TBC1D1: variants seen among roughly 807,000 people sequenced by gnomAD.
TBC1D1 encodes TBC1 domain family member 1.
In TBC1D1, 89 loss-of-function variants were observed where a neutral mutation model predicts 125.6. The observed-to-expected ratio is 0.71, with a 90% CI of 0.60 to 0.85. The LOEUF (loss-of-function observed/expected upper bound fraction) is 0.85. Among genes scored for constraint, TBC1D1 ranks in the 40% least tolerant of loss-of-function variants. The pLI, the probability that TBC1D1 is intolerant of heterozygous loss-of-function variation, is 0.00. For missense variants in TBC1D1, 1,377 were observed against 1,469.2 expected, an observed-to-expected ratio of 0.94 and a Z score of 1.03; for synonymous variants, 565 against 564.1, an observed-to-expected ratio of 1.00 and a Z score of -0.02.
rs1736876724 is a variant in TBC1D1, at chr4:37,992,726, C to T, written c.418-21783C>T. On this transcript the variant is annotated intron_variant, in intron 2 of 19. Transcript: ENST00000261439. ...AGCCAGATGGTCTTGATCTCCTGAC[C>T]TCGTGATCTGCCCGCCTCGGCCTCC... Among the ~76,000 whole-genome samples the T allele has an allele frequency of 3.3e-5, 5 of 151,636 alleles. No homozygotes were observed. The South Asian group carries it at 1.0e-3, about 32-fold the overall frequency.
intron 13 of TBC1D1, among the ~76,000 whole-genome samples, chr4:38,091,250 T>A (rs1301770520): frequency 3.3e-5 from 5 of 152,180 alleles, no homozygotes; most frequent in African/African-American, 1.2e-4. Context: ...AACCCCACAG[T>A]TGGAATAGGC....
intron 2 of TBC1D1, among the ~76,000 whole-genome samples, chr4:37,936,611 G>A (rs777000914): frequency 1.3e-5 from 2 of 152,162 alleles, no homozygotes; most frequent in African/African-American, 2.4e-5. Context: ...GACCCAGAAA[G>A]GTCCTTGCTT....
chr4:38,092,911 A>G (rs150366707), intron 13 of TBC1D1, among the ~76,000 whole-genome samples: 15 of 152,228 alleles, frequency 9.9e-5, no homozygotes, highest in Middle Eastern at 3.4e-3. Flanking sequence ...CCATGTAGAC[A>G]TACTGATTAA....
chr4:38,039,088 T>C (rs1747801835), intron 8 of TBC1D1, among the ~76,000 whole-genome samples: 1 of 142,716 alleles, frequency 7.0e-6, no homozygotes, highest in Non-Finnish European at 1.5e-5. Flanking sequence ...GAATTTCTTA[T>C]AAATGGCATC....
chr4:38,056,850 C>T (rs1400338809), intron 12 of TBC1D1, among the ~76,000 whole-genome samples: 2 of 152,084 alleles, frequency 1.3e-5, no homozygotes, highest in East Asian at 1.9e-4. Flanking sequence ...AGTTTTTTTC[C>T]CTCGCATAGT....
chr4:37,976,555 G>A (rs1578120650), intron 2 of TBC1D1, among the ~76,000 whole-genome samples: 1 of 152,232 alleles, frequency 6.6e-6, no homozygotes, highest in South Asian at 2.1e-4. Flanking sequence ...AAGAGAAGCA[G>A]AATTCTTGGG....
chr4:38,088,491 T>G (rs1757909102), intron 12 of TBC1D1, among the ~76,000 whole-genome samples: 1 of 152,242 alleles, frequency 6.6e-6, no homozygotes, highest in African/African-American at 2.4e-5. Context: ...AGGCACCTGC[T>G]GGGTGTCAGC....
intron 1 of TBC1D1, among the ~76,000 whole-genome samples, chr4:37,895,637 G>A (rs985679828): frequency 3.9e-5 from 6 of 152,178 alleles, no homozygotes; most frequent in African/African-American, 1.4e-4. Flanking sequence ...CCAGGGGGCG[G>A]AGGATGCAGT....
At chr4:38,077,142 A>G (rs1224767306) in intron 12 of TBC1D1, among the ~76,000 whole-genome samples, 9 of 152,246 alleles carry the variant, frequency 5.9e-5, no homozygotes, top group African/African-American at 2.2e-4. Flanking sequence ...TTTGCAGGTA[A>G]GATATCCCTG....
intron 8 of TBC1D1, among the ~76,000 whole-genome samples, 192 bp downstream of exon 8, chr4:38,035,890 C>G (rs1191324750): frequency 1.3e-5 from 2 of 152,108 alleles, no homozygotes; most frequent in Non-Finnish European, 2.9e-5. Context: ...AAGTTTCTGC[C>G]TGCACCATAG....
intron 2 of TBC1D1, among the ~76,000 whole-genome samples, chr4:37,986,574 T>G (rs1371301099): frequency 6.6e-6 from 1 of 152,020 alleles, no homozygotes; most frequent in African/African-American, 2.4e-5. Context: ...GCCTCCAGAG[T>G]AGCTGGGACT....
intron 2 of TBC1D1, among the ~76,000 whole-genome samples, chr4:37,923,881 T>C (rs1721538383): frequency 6.6e-6 from 1 of 152,098 alleles, no homozygotes; most frequent in Non-Finnish European, 1.5e-5. Context: ...GGTTTCACCA[T>C]GTTGGCCAGG....
chr4:37,941,177 A>C (rs1440650611), intron 2 of TBC1D1, among the ~76,000 whole-genome samples: 1 of 152,140 alleles, frequency 6.6e-6, no homozygotes, highest in Non-Finnish European at 1.5e-5. Flanking sequence ...TTGGTAGGCT[A>C]TTAATTATTG....
intron 2 of TBC1D1, among the ~76,000 whole-genome samples, chr4:37,972,521 C>T (rs966724586): frequency 4.0e-5 from 6 of 149,036 alleles, no homozygotes; most frequent in African/African-American, 4.9e-5. Context: ...GCCCAGTATA[C>T]GTACAATCCT....
intron 12 of TBC1D1, among the ~76,000 whole-genome samples, chr4:38,083,429 T>C (rs887987766): frequency 2.6e-5 from 4 of 152,236 alleles, no homozygotes; most frequent in Non-Finnish European, 5.9e-5. Context: ...TTACCTAAAG[T>C]GGCTCCCATC....
At chr4:38,035,785 G>C (rs1747096939) in intron 8 of TBC1D1, 87 bp downstream of exon 8, 2 of 972,306 alleles carry the variant, frequency 2.1e-6, no homozygotes, top group African/African-American at 3.3e-5. Flanking sequence ...CTGAAACTCT[G>C]ATACCTTTTT....
At chr4:38,006,703 T>G (rs766043747) in intron 2 of TBC1D1, 125 of 315,776 alleles carry the variant, frequency 4.0e-4, no homozygotes, top group Non-Finnish European at 3.7e-4. Flanking sequence ...ATGGGCTCAA[T>G]CTCCTGACCT....
At chr4:38,073,574 A>G (rs1755067252) in intron 12 of TBC1D1, among the ~76,000 whole-genome samples, 1 of 152,100 alleles carries the variant, frequency 6.6e-6, no homozygotes. Flanking sequence ...TAATTGAGTT[A>G]TTTGATTTTC....
intron 12 of TBC1D1, among the ~76,000 whole-genome samples, chr4:38,058,018 T>C (rs1314692003): frequency 6.6e-6 from 1 of 152,220 alleles, no homozygotes; most frequent in Admixed American, 6.5e-5. Context: ...GCGTGGACTC[T>C]CAGTGTACCT....
Sources: gnomAD v4.1 joint callset for allele counts (sites outside exome capture counted in the v4.1 genomes callset) on GRCh38, gnomAD v4.1.1 for gene constraint, MANE v1.5 for transcripts, NCBI Gene and HGNC (gene_info 2026-07-23, HGNC 2026-07-21) for gene names.